Variants in AKAP12 observed in about 807,000 individuals in gnomAD.
AKAP12 encodes the protein A-kinase anchoring protein 12.
A neutral mutation model predicts 79.9 loss-of-function variants in AKAP12; 32 were observed. That is an observed-to-expected ratio of 0.40 (90% CI 0.30 to 0.54). The LOEUF (loss-of-function observed/expected upper bound fraction) is 0.54, where lower values mean the gene tolerates loss of function less well. AKAP12 is among the 20% of genes least tolerant of loss of function. AKAP12 has a pLI of 0.48. For missense variants in AKAP12, 2,074 were observed against 2,177.0 expected, an observed-to-expected ratio of 0.95 and a Z score of 0.94; for synonymous variants, 808 against 857.0, an observed-to-expected ratio of 0.94 and a Z score of 1.00.
In AKAP12 at chr6:151,324,745, A is replaced by G. The variant is rs553192431; in HGVS notation, c.319+18842A>G. On this transcript the variant is annotated intron_variant, in intron 3 of 4. Coordinates refer to ENST00000402676, the MANE Select transcript of AKAP12 (RefSeq NM_005100.4). ...CAGGGGACCTAACGGACCCACCCTA[A>G]CAAAAAATTGGAGTACAAAAAAAGT... 179 of 985,442 alleles carry G rather than the reference A, an allele frequency of 1.8e-4. 2 individuals carry two copies. In the South Asian group the frequency reaches 7.3e-3, roughly 40 times the overall value. 61.0% of individuals were successfully genotyped at this position (985,442 alleles called of 1,614,324 possible).
chr6:151,279,642 C>T (rs1281637891), intron 2 of AKAP12, among the ~76,000 whole-genome samples: 1 of 152,028 alleles, frequency 6.6e-6, no homozygotes, highest in Non-Finnish European at 1.5e-5. Context: ...ACCCTTAACA[C>T]TGCTCGGTGA....
rs765782081 is a variant in AKAP12, at chr6:151,351,008, G to A, written c.2617G>A (p.Glu873Lys). The change falls in exon 4 of 5, where the codon GAG (glutamate) becomes AAG (lysine). Residue 873 changes from glutamate to lysine, a missense_variant. Coordinates refer to ENST00000402676, the MANE Select transcript of AKAP12 (RefSeq NM_005100.4). The surrounding 1 kb of genome is among the most constrained non-coding windows in gnomAD (Gnocchi z 4.4). ...AGCCCAAAAAAGCGCAGAGCAGCCCGAGCAGAAGGCAGCCACTGAGGTGTC... is the reference window on the plus strand; with the variant it reads ...AGCCCAAAAAAGCGCAGAGCAGCCCAAGCAGAAGGCAGCCACTGAGGTGTC... ...QQAQKSAEQP[E>K]QKAATEVSKE... 134 of 1,613,924 alleles carry A rather than the reference G, an allele frequency of 8.3e-5. No individual in the cohort carries two copies. The highest frequency in any genetic ancestry group is 1.1e-4 in the Non-Finnish European group (129 of 1,180,016).
rs140628300 is a variant in AKAP12 at position 151,329,468 on chromosome 6, AC to A, written c.320-19242del. ...TTTCTCTAACACCCACATTACTGAA[AC>A]TGATAATATTGATACATTGCAAACT... On this transcript the variant is annotated intron_variant, in intron 3 of 4. Transcript: ENST00000402676. Among the ~76,000 whole-genome samples the A allele has an allele frequency of 1.6e-3, 244 of 152,310 alleles. 1 individual carries two copies. In the East Asian group the frequency reaches 0.025, roughly 16 times the overall value.
intron 3 of AKAP12, among the ~76,000 whole-genome samples, chr6:151,336,133 G>A (rs1395920531): frequency 1.3e-5 from 2 of 152,202 alleles, no homozygotes; most frequent in African/African-American, 4.8e-5. Flanking sequence ...ATTCCATGGT[G>A]TATATGGACC....
At chr6:151,312,332 A>G (rs981445377) in intron 3 of AKAP12, among the ~76,000 whole-genome samples, 20 of 151,614 alleles carry the variant, frequency 1.3e-4, no homozygotes, top group African/African-American at 4.9e-4. Context: ...AATTAGCTGG[A>G]CGTGGTGGTG....
At chr6:151,317,539 A>C (rs1777264557) in intron 3 of AKAP12, among the ~76,000 whole-genome samples, 1 of 152,212 alleles carries the variant, frequency 6.6e-6, no homozygotes, top group African/African-American at 2.4e-5. Context: ...CTGGGTTTCA[A>C]TTTCAGTATC....
At chr6:151,248,108 T>C (rs4870002) in intron 2 of AKAP12, among the ~76,000 whole-genome samples, 90,481 of 151,878 alleles carry the variant, frequency 0.6, 27,139 homozygotes, top group Admixed American at 0.71. Context: ...TATATGCAAA[T>C]ACTGCAAACT....
intron 2 of AKAP12, among the ~76,000 whole-genome samples, chr6:151,241,097 ACC>A (rs1796965598): frequency 2.6e-5 from 4 of 151,746 alleles, no homozygotes; most frequent in Admixed American, 1.3e-4. Flanking sequence ...TGGAGAATGG[ACC>A]CCGGGCCGGG....
At chr6:151,324,414 G>T (rs1456227774) in intron 3 of AKAP12, 8 of 985,346 alleles carry the variant, frequency 8.1e-6, no homozygotes, top group Non-Finnish European at 9.6e-6. Context: ...GGTGCATCGC[G>T]CCCCCTGGTG....
chr6:151,262,454 A>G (rs1021327601), intron 2 of AKAP12, among the ~76,000 whole-genome samples: 1 of 152,188 alleles, frequency 6.6e-6, no homozygotes, highest in African/African-American at 2.4e-5. Context: ...GGTGTCCTCT[A>G]AGAAATGCAG....
At chr6:151,329,440 G>A (rs1777614418) in intron 3 of AKAP12, among the ~76,000 whole-genome samples, 1 of 152,126 alleles carries the variant, frequency 6.6e-6, no homozygotes, top group African/African-American at 2.4e-5. Flanking sequence ...GTATCTTTTC[G>A]CTTTTCTCTA....
chr6:151,268,461 T>C (rs1303443318), intron 2 of AKAP12, among the ~76,000 whole-genome samples: 1 of 152,106 alleles, frequency 6.6e-6, no homozygotes, highest in Non-Finnish European at 1.5e-5. Context: ...TGTTCTCAAA[T>C]ATATGTATTT....
chr6:151,338,179 T>C (rs528584646), intron 3 of AKAP12, among the ~76,000 whole-genome samples: 50 of 152,348 alleles, frequency 3.3e-4, no homozygotes, highest in African/African-American at 1.2e-3. Context: ...ATATCATACA[T>C]TTACGTTATT....
Position 151,353,517 on chromosome 6 carries a change from A to G in AKAP12, c.5126A>G (p.Asn1709Ser). Residue 1709 changes from asparagine to serine, a missense_variant, in exon 4 of 5, where the codon AAC becomes AGC. By Grantham distance (46) the Asn-to-Ser change is conservative. Transcript: ENST00000402676. ...EKGDDVDDPE[N>S]QNSALADTDA... ...GGTGATGATGTTGATGACCCTGAAA[A>G]CCAGAACTCAGCCCTGGCTGATACT... 6.2e-7 allele frequency: 1 copy of G among 1,614,178 alleles called. No individual in the cohort carries two copies. Among genetic ancestry groups the G allele is most frequent in the African/African-American group, 1.3e-5 (1 of 75,046 alleles).
Position 151,337,714 on chromosome 6 carries a change from CTGTTA to C in AKAP12, c.320-10995_320-10991del, listed in dbSNP as rs150822147. 6.0e-3 allele frequency among the ~76,000 whole-genome samples: 907 copies of C among 152,158 alleles called. 10 individuals are homozygous for C. The highest frequency in any genetic ancestry group is 0.02 in the African/African-American group (839 of 41,500). ...AAAACAAACATCAGTCCACGGGTTT[CTGTTA>C]TAAGTCATGTAGGTATGAGATATAT... On this transcript the variant is annotated intron_variant, in intron 3 of 4. Transcript: ENST00000402676.
At chr6:151,289,951 A>G (rs1183880052) in intron 2 of AKAP12, among the ~76,000 whole-genome samples, 1 of 152,276 alleles carries the variant, frequency 6.6e-6, no homozygotes, top group Admixed American at 6.5e-5. Context: ...TAACATGATG[A>G]CTAGCATGGT....
chr6:151,304,304 A>G (rs1562729413), intron 2 of AKAP12, among the ~76,000 whole-genome samples: 3 of 151,760 alleles, frequency 2.0e-5, no homozygotes, highest in South Asian at 4.2e-4. Context: ...AGCCTGGCCA[A>G]CATGGCAAAC....
At chr6:151,262,463 A>C (rs1797458029) in intron 2 of AKAP12, among the ~76,000 whole-genome samples, 4 of 152,222 alleles carry the variant, frequency 2.6e-5, no homozygotes, top group Non-Finnish European at 5.9e-5. Context: ...TAAGAAATGC[A>C]GACTACAGAA....
chr6:151,340,077 C>G (rs1482871337), intron 3 of AKAP12, among the ~76,000 whole-genome samples: 1 of 152,012 alleles, frequency 6.6e-6, no homozygotes, highest in Non-Finnish European at 1.5e-5. Context: ...AGGTGCCCAC[C>G]ACAATGCCCG....
Sources: gnomAD v4.1 joint callset for allele counts (sites outside exome capture counted in the v4.1 genomes callset) on GRCh38, gnomAD v4.1.1 for gene constraint, Gnocchi (gnomAD v3.1) non-coding constraint, MANE v1.5 for transcripts, NCBI Gene and HGNC (gene_info 2026-07-23, HGNC 2026-07-21) for gene names.